Variants in OSBPL6 observed in about 807,000 individuals in gnomAD.
OSBPL6 encodes oxysterol-binding protein-related protein 6.
OSBPL6 carries 49 observed loss-of-function variants against 125.8 expected under a neutral mutation model. The ratio of observed to expected loss-of-function variants is 0.39; its 90% CI spans 0.31 to 0.49. The LOEUF is 0.49. Among genes scored for constraint, OSBPL6 ranks in the 20% least tolerant of loss-of-function variants. OSBPL6 has a pLI of 0.88. For synonymous variants in OSBPL6, 394 were observed against 391.8 expected, an observed-to-expected ratio of 1.01 and a Z score of -0.07; for missense variants, 986 against 1,135.4, an observed-to-expected ratio of 0.87 and a Z score of 1.89.
intron 13 of OSBPL6, among the ~76,000 whole-genome samples, chr2:178,370,384 A>C (rs1469869022): frequency 6.6e-6 from 1 of 152,224 alleles, no homozygotes; most frequent in Non-Finnish European, 1.5e-5. Context: ...TCAGTAACTA[A>C]GGCAACTATG....
intron 1 of OSBPL6, among the ~76,000 whole-genome samples, chr2:178,252,125 A>C (rs1387110077): frequency 2.8e-5 from 2 of 71,062 alleles, no homozygotes; most frequent in Non-Finnish European, 5.5e-5. Flanking sequence ...TTGTTGCCAA[A>C]AAGGTATAAA....
chr2:178,215,219 T>TG (rs2090045113), intron 1 of OSBPL6, among the ~76,000 whole-genome samples: 2 of 152,220 alleles, frequency 1.3e-5, no homozygotes, highest in African/African-American at 4.8e-5. Flanking sequence ...AAGTAATGTC[T>TG]ATATAAAATA....
chr2:178,349,177 A>C (rs1691001999), intron 11 of OSBPL6, 47 bp from the exon 12 acceptor site: 1 of 1,581,118 alleles, frequency 6.3e-7, no homozygotes, highest in South Asian at 1.1e-5. Flanking sequence ...GGAGAATGTG[A>C]AACAATGCAC....
intron 1 of OSBPL6, among the ~76,000 whole-genome samples, chr2:178,210,877 T>C (rs2089826461): frequency 6.6e-6 from 1 of 151,314 alleles, no homozygotes; most frequent in African/African-American, 2.4e-5. Flanking sequence ...GCTCAGAGGC[T>C]GGGACAAGGA....
chr2:178,251,108 T>C (rs1432647557), intron 1 of OSBPL6, among the ~76,000 whole-genome samples: 2 of 152,174 alleles, frequency 1.3e-5, no homozygotes, highest in Admixed American at 1.3e-4. Context: ...CCTTCAGGCA[T>C]GGGAGCCACC....
At chr2:178,337,949 C>CTTTTTTTTTTTTTTTTT (rs755944128) in intron 9 of OSBPL6, among the ~76,000 whole-genome samples, 4,094 of 137,312 alleles carry the variant, frequency 0.03, 209 homozygotes, top group East Asian at 0.13. Flanking sequence ...TCAGTATTCT[C>CTTTTTTTTTTTTTTTTT]TTTTTTTTTT....
At chr2:178,350,989 AC>A (rs974979555) in intron 12 of OSBPL6, among the ~76,000 whole-genome samples, 3 of 152,212 alleles carry the variant, frequency 2.0e-5, no homozygotes, top group African/African-American at 4.8e-5. Context: ...GACAAAAACC[AC>A]ATAATCATGT....
intron 1 of OSBPL6, among the ~76,000 whole-genome samples, chr2:178,283,784 G>C (rs571745166): frequency 9.8e-5 from 15 of 152,286 alleles, no homozygotes; most frequent in African/African-American, 2.9e-4. Context: ...GAAGATGAAG[G>C]AGAGCTGTTA....
chr2:178,225,256 GAAAGAAAAGA>G (rs147732512), intron 1 of OSBPL6, among the ~76,000 whole-genome samples: 8 of 150,064 alleles, frequency 5.3e-5, no homozygotes, highest in African/African-American at 1.5e-4. Context: ...AAAAAAAAAG[GAAAGAAAAGA>G]AAAGAAAAGA....
rs148878461 is a variant in OSBPL6 at position 178,378,656 on chromosome 2, C to T, written c.1534-3764C>T. 5.6e-3 allele frequency among the ~76,000 whole-genome samples: 853 copies of T among 152,306 alleles called. 2 individuals are homozygous for T. Among genetic ancestry groups the T allele is most frequent in the Non-Finnish European group, 7.9e-3 (537 of 68,032 alleles). On this transcript the variant is annotated intron_variant, in intron 15 of 24. Transcript: ENST00000190611. ...ACTTGGTTCCAGGACTTCTTAACCA[C>T]GGGGCAGAGGACAAACTGTTTGATT...
At chr2:178,361,133 G>A (rs72951390) in intron 12 of OSBPL6, among the ~76,000 whole-genome samples, 9,683 of 152,216 alleles carry the variant, frequency 0.064, 414 homozygotes, top group Middle Eastern at 0.11. Flanking sequence ...AGAAAGCAAC[G>A]CAAGTGCTGT....
At chr2:178,195,306 C>T (rs1453349576) in intron 1 of OSBPL6, among the ~76,000 whole-genome samples, 1 of 152,240 alleles carries the variant, frequency 6.6e-6, no homozygotes, top group East Asian at 1.9e-4. Flanking sequence ...TCCACTCCCC[C>T]GGCCAGGGCC....
At chr2:178,219,566 G>A (rs58922071) in intron 1 of OSBPL6, among the ~76,000 whole-genome samples, 14,382 of 152,198 alleles carry the variant, frequency 0.094, 771 homozygotes, top group African/African-American at 0.14. Context: ...AGGGTGTTGG[G>A]GAGGGAAACT....
chr2:178,257,241 T>A (rs2091915557), intron 1 of OSBPL6, among the ~76,000 whole-genome samples: 1 of 152,242 alleles, frequency 6.6e-6, no homozygotes, highest in African/African-American at 2.4e-5. Context: ...CCAGATCATT[T>A]AAAATATTAA....
intron 15 of OSBPL6, among the ~76,000 whole-genome samples, chr2:178,376,863 C>A (rs79798473): frequency 2.0e-5 from 3 of 152,150 alleles, no homozygotes; most frequent in Admixed American, 6.5e-5. Context: ...ACTGTACCCC[C>A]ATTCCTTGTG....
chr2:178,198,387 C>T (rs2089030426), intron 1 of OSBPL6, among the ~76,000 whole-genome samples: 1 of 151,846 alleles, frequency 6.6e-6, no homozygotes, highest in Non-Finnish European at 1.5e-5. Flanking sequence ...ACTGCAACCT[C>T]CTGGGTTCAA....
At chr2:178,298,045 C>A (rs1017300426) in intron 2 of OSBPL6, among the ~76,000 whole-genome samples, 6 of 152,196 alleles carry the variant, frequency 3.9e-5, no homozygotes, top group African/African-American at 1.4e-4. Context: ...ACCCTGATAA[C>A]CACCATTCTA....
chr2:178,371,851 A>G (rs930447355), intron 13 of OSBPL6, among the ~76,000 whole-genome samples: 1 of 152,192 alleles, frequency 6.6e-6, no homozygotes, highest in African/African-American at 2.4e-5. Flanking sequence ...GACTCACTCT[A>G]AAGGAAAGAA....
chr2:178,338,691 G>A (rs1689924225), intron 9 of OSBPL6, among the ~76,000 whole-genome samples: 1 of 152,214 alleles, frequency 6.6e-6, no homozygotes, highest in Non-Finnish European at 1.5e-5. Flanking sequence ...TCACTTGAGT[G>A]TGCTTCCCAT....
Sources: allele counts gnomAD v4.1 joint callset (sites outside exome capture counted in the v4.1 genomes callset), GRCh38; gene constraint gnomAD v4.1.1; transcripts MANE v1.5; gene names NCBI Gene and HGNC (gene_info 2026-07-23, HGNC 2026-07-21).